KDM5B: variants seen among roughly 807,000 people sequenced by gnomAD.
KDM5B encodes the protein lysine demethylase 5B, also known as lysine-specific demethylase 5B.
Under a neutral mutation model 193.4 loss-of-function variants are expected in KDM5B, and 144 were observed. The observed-to-expected ratio is 0.74, with a 90% CI of 0.65 to 0.86. KDM5B has a LOEUF of 0.86. Among genes scored for constraint, KDM5B ranks in the 40% least tolerant of loss-of-function variants. KDM5B has a pLI of 0.00. For missense variants in KDM5B, 1,833 were observed against 1,886.9 expected (o/e 0.97, Z 0.53); for synonymous variants, 668 against 682.6 (o/e 0.98, Z 0.33).
rs1263539645 is a variant in KDM5B at position 202,729,959 on chromosome 1, T to A, written c.4245A>T (p.Glu1415Asp). ...ACCGCTCACTGGAGAGGCCCTCTCT[T>A]TCCAGGCGTCTCTTCAGTTTTCTCT... Reference protein sequence around the residue: ...SLERKLKRRLEREGLSSERWE... With the variant: ...SLERKLKRRLDREGLSSERWE... The change falls in exon 26 of 27, where the codon GAA becomes GAT. Residue 1415 changes from glutamate to aspartate, a missense_variant. Transcript: ENST00000367265. 6.2e-7 allele frequency: 1 copy of A among 1,614,056 alleles called. No homozygotes were observed. Among genetic ancestry groups the A allele is most frequent in the Admixed American group, 1.7e-5 (1 of 59,986 alleles).
chr1:202,762,838 T>C, intron 6 of KDM5B, 30 bp from the exon 7 acceptor site: 1 of 1,171,846 alleles, frequency 8.5e-7, no homozygotes, highest in African/African-American at 1.6e-5. Flanking sequence ...ATTAGCTCTT[T>C]ATGATGCTTT....
At chr1:202,754,338 A>G (rs562089400) in intron 11 of KDM5B, among the ~76,000 whole-genome samples, 104 of 152,352 alleles carry the variant, frequency 6.8e-4, no homozygotes, top group African/African-American at 2.4e-3. Context: ...AGTGAGTTAC[A>G]GATTTTCAAA....
At chr1:202,761,198 T>C (rs1279563810) in intron 7 of KDM5B, among the ~76,000 whole-genome samples, 3 of 152,058 alleles carry the variant, frequency 2.0e-5, no homozygotes, top group African/African-American at 7.2e-5. Context: ...CCCAACACTT[T>C]TGGGGGCCCT....
At chr1:202,752,121 A>C (rs1655813703) in intron 12 of KDM5B, among the ~76,000 whole-genome samples, 1 of 152,176 alleles carries the variant, frequency 6.6e-6, no homozygotes, top group South Asian at 2.1e-4. Context: ...TTTAGCTAAG[A>C]TGGACTCTTC....
At chr1:202,762,906 ATG>A (rs1381881073) in intron 6 of KDM5B, 98 bp from the exon 7 acceptor site, 7 of 715,446 alleles carry the variant, frequency 9.8e-6, no homozygotes, top group South Asian at 1.7e-5. Context: ...ACATAATTTC[ATG>A]TGTGTTTTCA....
intron 1 of KDM5B, among the ~76,000 whole-genome samples, chr1:202,800,617 A>G (rs1434548310): frequency 6.6e-6 from 1 of 152,224 alleles, no homozygotes; most frequent in Non-Finnish European, 1.5e-5. Flanking sequence ...CTGGAATTAC[A>G]GGTGAGAGCC....
chr1:202,803,611 G>A (rs1658166029), intron 1 of KDM5B, among the ~76,000 whole-genome samples: 1 of 152,080 alleles, frequency 6.6e-6, no homozygotes, highest in Non-Finnish European at 1.5e-5. Context: ...ATCACCTGAG[G>A]TCAGGAGTTC....
intron 4 of KDM5B, among the ~76,000 whole-genome samples, chr1:202,769,442 G>A (rs970624981): frequency 6.6e-6 from 1 of 151,342 alleles, no homozygotes; most frequent in Non-Finnish European, 1.5e-5. Flanking sequence ...GGCCAAGGCA[G>A]GTAGATCACT....
In KDM5B at chr1:202,742,824, G is replaced by C. The variant is rs1558486502; in HGVS notation, c.2324-19C>G. ...ACAAGGCCTAGGAATGAAGAAAAAAGTCATATTTTCTGTAATCATTATGTT... is the reference window on the plus strand; with the variant it reads ...ACAAGGCCTAGGAATGAAGAAAAAACTCATATTTTCTGTAATCATTATGTT... On this transcript the variant is annotated intron_variant, in intron 16 of 26. Transcript: ENST00000367265. 1 of 1,606,114 alleles carries C rather than the reference G, an allele frequency of 6.2e-7. No homozygotes were observed. The highest frequency in any genetic ancestry group is 8.5e-7 in the Non-Finnish European group (1 of 1,175,470).
At chr1:202,806,105 C>A (rs946929935) in intron 1 of KDM5B, among the ~76,000 whole-genome samples, 3 of 152,128 alleles carry the variant, frequency 2.0e-5, no homozygotes, top group Admixed American at 2.0e-4. Context: ...ATATTCTAGC[C>A]AAGATGAGGA....
At chr1:202,737,135 A>G (rs972144603) in intron 20 of KDM5B, among the ~76,000 whole-genome samples, 2 of 152,240 alleles carry the variant, frequency 1.3e-5, no homozygotes, top group African/African-American at 4.8e-5. Flanking sequence ...AATAAAAGGC[A>G]ACAAAACAAT....
At chr1:202,773,732 A>G (rs1340797593) in intron 3 of KDM5B, among the ~76,000 whole-genome samples, 1 of 91,926 alleles carries the variant, frequency 1.1e-5, no homozygotes, top group African/African-American at 4.3e-5. Context: ...ATTATGGCTC[A>G]GCTTCTTTTT....
intron 13 of KDM5B, 108 bp downstream of exon 13, chr1:202,750,551 A>G (rs1655748311): frequency 2.5e-6 from 3 of 1,185,648 alleles, no homozygotes; most frequent in African/African-American, 1.5e-5. Context: ...CTGGGATTAT[A>G]GGCATGAGCT....
intron 8 of KDM5B, among the ~76,000 whole-genome samples, chr1:202,759,757 C>T (rs1282096998): frequency 6.6e-6 from 1 of 151,948 alleles, no homozygotes; most frequent in African/African-American, 2.4e-5. Flanking sequence ...GAATATACAC[C>T]AAGACATTAA....
chr1:202,752,744 C>A (rs937104462), intron 12 of KDM5B, among the ~76,000 whole-genome samples, 161 bp downstream of exon 12: 17 of 152,312 alleles, frequency 1.1e-4, no homozygotes, highest in Admixed American at 9.8e-4. Flanking sequence ...TCCAGTCCTA[C>A]TGAGTAAATG....
intron 4 of KDM5B, among the ~76,000 whole-genome samples, chr1:202,770,063 G>A (rs1434699085): frequency 2.6e-5 from 4 of 152,124 alleles, no homozygotes; most frequent in Non-Finnish European, 5.9e-5. Context: ...GTTCTGTAAG[G>A]ACTTTGCAGA....
chr1:202,761,912 A>G (rs1394006368), intron 7 of KDM5B, among the ~76,000 whole-genome samples: 1 of 151,964 alleles, frequency 6.6e-6, no homozygotes, highest in East Asian at 1.9e-4. Flanking sequence ...CAGTCTATTT[A>G]TTGTAGCAAA....
rs770547009 is a variant in KDM5B at position 202,733,890 on chromosome 1, A to C, written c.3424-4T>G. On this transcript the variant is annotated splice_region_variant and splice_polypyrimidine_tract_variant and intron_variant, in intron 22 of 26. Transcript: ENST00000367265. ...GAGCTTCCCCAAGAGTTGCCATCTG[A>C]AAAAGAGTTAACAATCAAGGATGAT... 25 of 1,601,316 alleles carry C rather than the reference A, an allele frequency of 1.6e-5. No individual in the cohort carries two copies. The highest frequency in any genetic ancestry group is 1.9e-5 in the Non-Finnish European group (22 of 1,173,820).
chr1:202,740,352 CG>C (rs1196060813), intron 20 of KDM5B, among the ~76,000 whole-genome samples: 1 of 122,174 alleles, frequency 8.2e-6, no homozygotes. Context: ...GCCGGCCGGG[CG>C]GGGGGCTGAC....
Sources: gnomAD v4.1 joint callset for allele counts (sites outside exome capture counted in the v4.1 genomes callset) on GRCh38, gnomAD v4.1.1 for gene constraint, MANE v1.5 for transcripts, NCBI Gene and HGNC (gene_info 2026-07-23, HGNC 2026-07-21) for gene names.